The following RBM20 variants were observed in gnomAD, a reference collection of about 807,000 sequenced individuals.
The protein encoded by RBM20 is RNA binding motif protein 20.
A neutral mutation model predicts 110.1 loss-of-function variants in RBM20; 51 were observed. The ratio of observed to expected loss-of-function variants is 0.46; its 90% CI spans 0.37 to 0.59. RBM20 has a LOEUF of 0.59. Ranked by LOEUF, RBM20 falls within the 20% of genes least tolerant of loss-of-function variation. RBM20 has a pLI of 0.00. For synonymous variants in RBM20, 589 were observed against 618.2 expected (o/e 0.95, Z 0.70); for missense variants, 1,512 against 1,574.9 (o/e 0.96, Z 0.68).
At chr10:110,764,169 T>C (rs1008064000) in intron 1 of RBM20, among the ~76,000 whole-genome samples, 2 of 151,916 alleles carry the variant, frequency 1.3e-5, no homozygotes, top group Admixed American at 6.6e-5. Context: ...TGGCTGGGAG[T>C]CAGTTTGCTG....
In RBM20 at chr10:110,745,364, T is replaced by A. The variant is rs77316243; in HGVS notation, c.192-35437T>A. On this transcript the variant is annotated intron_variant, in intron 1 of 13. Transcript: ENST00000369519. Reference sequence around the variant, plus strand: ...ACAGTGCAAGCCTCTGGGGTGAGACTGCAGGGTGGTCGGAGAGGGATGCCA... The same window carrying A: ...ACAGTGCAAGCCTCTGGGGTGAGACAGCAGGGTGGTCGGAGAGGGATGCCA... Among the ~76,000 whole-genome samples the A allele has an allele frequency of 1.7e-4, 26 of 152,282 alleles. No homozygotes were observed. In the East Asian group the frequency reaches 5.0e-3, roughly 29 times the overall value.
chr10:110,687,726 C>A (rs943838720), intron 1 of RBM20, among the ~76,000 whole-genome samples: 1 of 152,194 alleles, frequency 6.6e-6, no homozygotes, highest in Admixed American at 6.5e-5. Context: ...ACCTGTGATA[C>A]AGGGGATGTG....
At chr10:110,662,827 AAC>A (rs1453233259) in intron 1 of RBM20, among the ~76,000 whole-genome samples, 1 of 152,220 alleles carries the variant, frequency 6.6e-6, no homozygotes, top group Non-Finnish European at 1.5e-5. Context: ...TGATGTGTAG[AAC>A]ACAGTGTCTG....
At chr10:110,795,542 A>G (rs1844539006) in intron 5 of RBM20, among the ~76,000 whole-genome samples, 1 of 152,208 alleles carries the variant, frequency 6.6e-6, no homozygotes, top group South Asian at 2.1e-4. Context: ...AGGGCTTTTC[A>G]TGGTAGAATT....
At chr10:110,807,549 G>A (rs776955066) in intron 7 of RBM20, among the ~76,000 whole-genome samples, 6 of 152,200 alleles carry the variant, frequency 3.9e-5, no homozygotes, top group Non-Finnish European at 5.9e-5. Context: ...CCAAGAGCTC[G>A]TGGAATGCCT....
chr10:110,745,045 C>T (rs1462755241), intron 1 of RBM20, among the ~76,000 whole-genome samples: 1 of 152,218 alleles, frequency 6.6e-6, no homozygotes, highest in African/African-American at 2.4e-5. Flanking sequence ...TGTCACTCTC[C>T]TCGTGGTTAC....
At position 110,812,317 on chromosome 10, in the gene RBM20, C is replaced by A. The variant is rs1439106449; in HGVS notation, c.1920C>A (p.Ser640Arg). 7 of 1,550,654 alleles carry A rather than the reference C, an allele frequency of 4.5e-6. No homozygotes were observed. The highest frequency in any genetic ancestry group is 6.1e-6 in the Non-Finnish European group (7 of 1,146,614). Residue 640 changes from serine (S) to arginine (R), a missense_variant, in exon 9 of 14, where the codon AGC (serine) becomes AGA (arginine). Around this residue, in one of 3 missense-constraint regions of RBM20, gnomAD observed 1,149 missense variants for 1,169.4 expected, o/e 0.98. Coordinates refer to ENST00000369519, the MANE Select transcript of RBM20 (RefSeq NM_001134363.3). ...GGCCGCGGTCTCGTAGTCCGGTGAG[C>A]CGGTCACTCTCCCCGAGGTCCCACA... ...PERPRSRSPV[S>R]RSLSPRSHTP... is the part of the protein sequence containing the mutation.
chr10:110,713,522 G>A lies in RBM20; in HGVS notation c.192-67279G>A, dbSNP rs569413264. 9.9e-5 allele frequency among the ~76,000 whole-genome samples: 15 copies of A among 152,284 alleles called. 1 individual carries two copies. Among genetic ancestry groups the A allele is most frequent in the South Asian group, 4.1e-4 (2 of 4,826 alleles). On this transcript the variant is annotated intron_variant, in intron 1 of 13. Coordinates refer to ENST00000369519, the MANE Select transcript of RBM20 (RefSeq NM_001134363.3). ...CTGTGTCCCTTATGACACTTTGCAC[G>A]CTACAGGGGCAGAGTAGTCATTTAA...
Position 110,812,140 on chromosome 10 carries a change from G to T in RBM20, c.1881-138G>T, listed in dbSNP as rs1844775345. The T allele has an allele frequency of 8.8e-6, 7 of 795,664 alleles. No homozygotes were observed. In the South Asian group the frequency reaches 1.3e-4, roughly 15 times the overall value. 49.3% of individuals were successfully genotyped at this position (795,664 alleles called of 1,614,324 possible). A position where few individuals can be genotyped will look rare whatever the true frequency, so the allele number is the denominator to read the frequency against. On this transcript the variant is annotated intron_variant, in intron 8 of 13. Transcript: ENST00000369519. ...GCTTTCTCCTGAACCACTCTGTGTG[G>T]TTCTGTAGAGTTGGGAGTTAAGAGT...
chr10:110,651,232 A>G (rs1861941803), intron 1 of RBM20, among the ~76,000 whole-genome samples: 1 of 152,224 alleles, frequency 6.6e-6, no homozygotes, highest in Non-Finnish European at 1.5e-5. Flanking sequence ...TCCCACATCA[A>G]TTAAATTTAG....
At chr10:110,727,399 CA>C (rs373594637) in intron 1 of RBM20, among the ~76,000 whole-genome samples, 16,088 of 82,788 alleles carry the variant, frequency 0.19, 1,042 homozygotes, top group Admixed American at 0.2. Flanking sequence ...AAGTCCGTCT[CA>C]AAAAATAAAA....
chr10:110,799,772 TC>T lies in RBM20; in HGVS notation c.1669-13del, dbSNP rs1263259437. 2.6e-6 allele frequency: 4 copies of T among 1,548,850 alleles called. No homozygotes were observed. The highest frequency in any genetic ancestry group is 3.5e-6 in the Non-Finnish European group (4 of 1,145,730). ...TAAAGTCAAGTCCAGTGAGTGTCCT[TC>T]CTTTCTTTCTTAGGCCTTTTTAGAG... On this transcript the variant is annotated splice_polypyrimidine_tract_variant and intron_variant, in intron 6 of 13. Coordinates refer to ENST00000369519, the MANE Select transcript of RBM20 (RefSeq NM_001134363.3).
At chr10:110,681,447 G>T (rs183122246) in intron 1 of RBM20, among the ~76,000 whole-genome samples, 8 of 152,308 alleles carry the variant, frequency 5.3e-5, no homozygotes, top group African/African-American at 1.7e-4. Flanking sequence ...GGCAGTATTG[G>T]TTGAGGCATG....
intron 8 of RBM20, among the ~76,000 whole-genome samples, chr10:110,810,901 A>G (rs987736447): frequency 1.4e-4 from 22 of 151,930 alleles, no homozygotes; most frequent in Admixed American, 1.4e-3. Flanking sequence ...TGGTTTTCAT[A>G]AGTTGAATGT....
Position 110,820,185 on chromosome 10 carries a change from TG to T in RBM20, c.2655+10del, listed in dbSNP as rs1445857123. On this transcript the variant is annotated intron_variant, in intron 10 of 13. Coordinates refer to ENST00000369519, the MANE Select transcript of RBM20 (RefSeq NM_001134363.3). ...ACACAAGGACAAAGAAGGTAAAGTT[TG>T]TTTCAGATTCTGCACTTCTGCCATG... 3.9e-6 allele frequency: 6 copies of T among 1,539,508 alleles called. No homozygotes were observed. The highest frequency in any genetic ancestry group is 4.4e-6 in the Non-Finnish European group (5 of 1,136,158).
At chr10:110,656,308 C>T (rs1392642088) in intron 1 of RBM20, among the ~76,000 whole-genome samples, 1 of 151,128 alleles carries the variant, frequency 6.6e-6, no homozygotes, top group Non-Finnish European at 1.5e-5. Flanking sequence ...AACTCCATCT[C>T]GAAAAAAAAA....
At chr10:110,762,536 A>T (rs564726858) in intron 1 of RBM20, among the ~76,000 whole-genome samples, 2 of 152,326 alleles carry the variant, frequency 1.3e-5, no homozygotes, top group Non-Finnish European at 2.9e-5. Flanking sequence ...CAGGCCGTGT[A>T]TGAGGGTTCC....
intron 1 of RBM20, among the ~76,000 whole-genome samples, chr10:110,770,041 G>A (rs546692548): frequency 5.9e-5 from 9 of 152,260 alleles, no homozygotes; most frequent in South Asian, 4.1e-4. Flanking sequence ...CATTCTTAGG[G>A]TTGGAAAGTA....
intron 1 of RBM20, among the ~76,000 whole-genome samples, chr10:110,678,593 C>T (rs573772584): frequency 4.5e-4 from 68 of 152,302 alleles, no homozygotes; most frequent in African/African-American, 1.5e-3. Context: ...AGTCTGGGGT[C>T]TACTCTTCAT....
Sources: allele counts gnomAD v4.1 joint callset (sites outside exome capture counted in the v4.1 genomes callset), GRCh38; gene constraint gnomAD v4.1.1; regional missense constraint gnomAD v4.1.1; transcripts MANE v1.5; gene names NCBI Gene and HGNC (gene_info 2026-07-23, HGNC 2026-07-21).